The following EGFL6 variants were observed in gnomAD, a reference collection of about 807,000 sequenced individuals.
EGFL6 encodes EGF like domain multiple 6, also known as epidermal growth factor-like protein 6.
In EGFL6, 42 loss-of-function variants were observed where a neutral mutation model predicts 43.1. That is an observed-to-expected ratio of 0.98 (90% confidence interval 0.76 to 1.26). The LOEUF (loss-of-function observed/expected upper bound fraction) is 1.26. Ranked by LOEUF, EGFL6 falls within the 50% of genes most tolerant of loss-of-function variation. The pLI is 0.00. For missense variants in EGFL6, 429 were observed against 427.8 expected (o/e 1.00, Z -0.02); for synonymous variants, 164 against 163.2 (o/e 1.01, Z -0.04).
Position 13,627,069 on chromosome X carries a change from A to G in EGFL6, c.1344A>G (p.Arg448=). ...CAGGTCACAAGAAAGACATTGGCCG[A>G]TTGAAACTTCTCCTACCTGACCTGC... The part of the protein sequence containing the change: ...ALAGHKKDIG[R]LKLLLPDLQP... The change falls in exon 11 of 12, where the codon CGA becomes CGG. Residue 448 remains arginine, a synonymous_variant. Coordinates refer to ENST00000361306, the MANE Select transcript of EGFL6 (RefSeq NM_015507.4). 1 of 1,212,320 alleles carries G rather than the reference A, an allele frequency of 8.2e-7. No individual in the cohort carries two copies. The highest frequency in any genetic ancestry group is 1.1e-6 in the Non-Finnish European group (1 of 895,632).
Position 13,594,918 on chromosome X carries a change from C to G in EGFL6, c.270C>G (p.Thr90=). Residue 90 remains threonine (T), a synonymous_variant, in exon 3 of 12, where the codon ACC becomes ACG. Transcript: ENST00000361306. The part of the protein sequence containing the change: ...CRCFPGYTGK[T]CSQDVNECGM... Reference sequence around the variant, plus strand: ...GCTTTCCAGGATACACCGGGAAAACCTGCAGTCAAGGTCAGTAAGGTAGCC... The same window carrying G: ...GCTTTCCAGGATACACCGGGAAAACGTGCAGTCAAGGTCAGTAAGGTAGCC... The G allele has an allele frequency of 1.7e-6, 2 of 1,207,284 alleles. No individual in the cohort carries two copies. Among genetic ancestry groups the G allele is most frequent in the South Asian group, 1.8e-5 (1 of 56,465 alleles).
chrX:13,598,907 A>G (rs1036458304), intron 3 of EGFL6, among the ~76,000 whole-genome samples: 66 of 105,145 alleles, frequency 6.3e-4, no homozygotes, highest in Non-Finnish European at 1.1e-3. Flanking sequence ...TAATTCATAT[A>G]TATATTTCAT....
chrX:13,601,833 C>T (rs1448545868), intron 4 of EGFL6, among the ~76,000 whole-genome samples: 12 of 111,681 alleles, frequency 1.1e-4, no homozygotes, highest in Non-Finnish European at 1.9e-5. Flanking sequence ...TCCTCCCACC[C>T]CTCCCTAAAG....
intron 1 of EGFL6, among the ~76,000 whole-genome samples, chrX:13,584,693 C>T (rs1031925775): frequency 2.6e-4 from 29 of 112,106 alleles, no homozygotes; most frequent in African/African-American, 9.1e-4. Context: ...ATCCCTCTGA[C>T]GCTCTATATC....
chrX:13,604,408 T>C (rs2045649180), intron 5 of EGFL6, among the ~76,000 whole-genome samples: 1 of 110,987 alleles, frequency 9.0e-6, no homozygotes, highest in Non-Finnish European at 1.9e-5. Flanking sequence ...TGCTGGATAT[T>C]CATCCACCAA....
chrX:13,570,084 C>T, intron 1 of EGFL6, 149 bp downstream of exon 1: 1 of 587,607 alleles, frequency 1.7e-6, no homozygotes, highest in South Asian at 2.8e-5. Context: ...ACCTGGATAC[C>T]AGGCCGGGAG....
chrX:13,585,161 G>A (rs1294542712), intron 1 of EGFL6, among the ~76,000 whole-genome samples: 1 of 111,516 alleles, frequency 9.0e-6, no homozygotes, highest in Non-Finnish European at 1.9e-5. Context: ...ACCTCTCGGG[G>A]CTCATCTCTC....
At chrX:13,593,849 G>T (rs1000463514) in intron 2 of EGFL6, among the ~76,000 whole-genome samples, 4 of 111,637 alleles carry the variant, frequency 3.6e-5, no homozygotes, top group African/African-American at 1.3e-4. Context: ...GGGTTGTAGG[G>T]AAAGATGCTG....
chrX:13,624,077 A>G, intron 10 of EGFL6, 152 bp downstream of exon 10: 1 of 424,620 alleles, frequency 2.4e-6, no homozygotes, highest in East Asian at 4.0e-5. Flanking sequence ...CCCTTGATAG[A>G]TGACTAACTT....
Position 13,606,369 on chromosome X carries a change from T to C in EGFL6, c.521-10T>C, listed in dbSNP as rs938043327. On this transcript the variant is annotated splice_polypyrimidine_tract_variant and intron_variant, in intron 5 of 11. Transcript: ENST00000361306. The stretch of plus-strand genomic sequence containing the variant: ...GCTATCACTGACACCTTCTGGTTTT[T>C]ACACCCTAGATATTGATGAATGTGC... 3 of 1,207,233 alleles carry C rather than the reference T, an allele frequency of 2.5e-6. No homozygotes were observed. The highest frequency in any genetic ancestry group is 3.0e-5 in the East Asian group (1 of 33,697).
In EGFL6 at chrX:13,606,407, C is replaced by T; in HGVS notation, c.549C>T (p.Val183=). Residue 183 remains valine, a synonymous_variant, in exon 6 of 12, where the codon GTC becomes GTT. Transcript: ENST00000361306. ...TTGATGAATGTGCCTCTGGTAAAGT[C>T]ATCTGTCCCTACAATCGAAGATGTG... ...LDIDECASGK[V]ICPYNRRCVN... The T allele has an allele frequency of 8.3e-7, 1 of 1,211,186 alleles. No individual in the cohort carries two copies. The highest frequency in any genetic ancestry group is 2.2e-5 in the Admixed American group (1 of 46,031).
intron 7 of EGFL6, among the ~76,000 whole-genome samples, chrX:13,616,890 T>C (rs1259212546): frequency 1.1e-5 from 1 of 91,637 alleles, no homozygotes; most frequent in Non-Finnish European, 2.1e-5. Flanking sequence ...TGAGACGGAG[T>C]CTCGCTCTGT....
In EGFL6 at chrX:13,627,194, C is replaced by T; in HGVS notation, c.1469C>T (p.Ala490Val). Residue 490 changes from alanine to valine, a missense_variant, in exon 11 of 12, where the codon GCA becomes GTA. By Grantham distance (64) the Ala-to-Val change is moderately conservative (BLOSUM62 0). Transcript: ENST00000361306. ...GTGAAAAACAGTAACAATGCCCTGG[C>T]ATGGGAGAAGACCACGAGTGAGGAT... ...VFVKNSNNALAWEKTTSEDEK... is the reference protein window; with the variant it reads ...VFVKNSNNALVWEKTTSEDEK... 1 of 1,211,902 alleles carries T rather than the reference C, an allele frequency of 8.3e-7. No homozygotes were observed.
intron 3 of EGFL6, among the ~76,000 whole-genome samples, chrX:13,597,575 A>G (rs1205404608): frequency 5.4e-5 from 6 of 111,582 alleles, no homozygotes; most frequent in Non-Finnish European, 7.5e-5. Flanking sequence ...CTTGAGGTCA[A>G]GAGTTTGAGA....
intron 9 of EGFL6, among the ~76,000 whole-genome samples, chrX:13,619,761 G>A (rs183437282): frequency 6.3e-4 from 71 of 111,813 alleles, no homozygotes; most frequent in African/African-American, 2.1e-3. Context: ...GCTCACTCAT[G>A]TGTCCACATA....
chrX:13,612,466 CA>C (rs1277193735), intron 7 of EGFL6, among the ~76,000 whole-genome samples: 5 of 110,209 alleles, frequency 4.5e-5, no homozygotes, highest in African/African-American at 1.7e-4. Context: ...GACACAGTAA[CA>C]ATCTGATCTC....
chrX:13,600,444 G>A (rs138464747), intron 4 of EGFL6, among the ~76,000 whole-genome samples: 1,875 of 107,276 alleles, frequency 0.017, 52 homozygotes, highest in African/African-American at 0.061. Context: ...ATGCCACCAC[G>A]CCTGGCTACT....
intron 1 of EGFL6, among the ~76,000 whole-genome samples, chrX:13,572,485 T>C (rs535098843): frequency 1.8e-5 from 2 of 112,183 alleles, no homozygotes; most frequent in African/African-American, 6.5e-5. Context: ...TTATTTCTAT[T>C]GGACAGTGCT....
chrX:13,601,991 T>A (rs1212251930), intron 4 of EGFL6, among the ~76,000 whole-genome samples: 1 of 112,264 alleles, frequency 8.9e-6, no homozygotes, highest in African/African-American at 3.2e-5. Context: ...TAGGTTAATT[T>A]TGAAGATTAA....
Sources: allele counts gnomAD v4.1 joint callset (sites outside exome capture counted in the v4.1 genomes callset), GRCh38; gene constraint gnomAD v4.1.1; transcripts MANE v1.5; gene names NCBI Gene and HGNC (gene_info 2026-07-23, HGNC 2026-07-21).